Variants in FANCB observed in about 807,000 individuals in gnomAD.
The protein encoded by FANCB is FA complementation group B.
FANCB carries 5 observed loss-of-function variants against 38.9 expected under a neutral mutation model. The ratio of observed to expected loss-of-function variants is 0.13; its 90% confidence interval spans 0.07 to 0.27. FANCB has a LOEUF of 0.27. Ranked by LOEUF, FANCB falls within the 10% of genes least tolerant of loss-of-function variation. The pLI is 1.00. For missense variants in FANCB, 573 were observed against 602.7 expected, an observed-to-expected ratio of 0.95 and a Z score of 0.52; for synonymous variants, 236 against 215.4, an observed-to-expected ratio of 1.10 and a Z score of -0.84.
At chrX:14,821,226 T>C in the FANCB span, among the ~76,000 whole-genome samples, 1 of 111,913 alleles carries the variant, frequency 8.9e-6, no homozygotes, top group Non-Finnish European at 1.9e-5. Context: ...CAAAATTCCA[T>C]AATGCCTACA....
intron 2 of FANCB, among the ~76,000 whole-genome samples, chrX:14,866,941 C>A (rs1055155360): frequency 9.0e-6 from 1 of 110,796 alleles, no homozygotes; most frequent in South Asian, 3.7e-4. Flanking sequence ...TGCTAAAAAG[C>A]GAACTATCTG....
At chrX:14,859,753 G>C (rs963319094) in intron 3 of FANCB, among the ~76,000 whole-genome samples, 1 of 111,809 alleles carries the variant, frequency 8.9e-6, no homozygotes, top group Non-Finnish European at 1.9e-5. Context: ...TTAAGTCTTA[G>C]TGTATATGTA....
intron 3 of FANCB, among the ~76,000 whole-genome samples, chrX:14,861,898 G>A (rs1044811968): frequency 2.5e-4 from 27 of 110,189 alleles, no homozygotes; most frequent in African/African-American, 8.9e-4. Flanking sequence ...CAGCTGGAGT[G>A]CAGCGGGGCG....
At chrX:14,868,135 T>C (rs748803250) in intron 2 of FANCB, among the ~76,000 whole-genome samples, 1 of 111,820 alleles carries the variant, frequency 8.9e-6, no homozygotes, top group East Asian at 2.8e-4. Context: ...ATAGCCACTA[T>C]GGAAAACAGT....
chrX:14,854,215 CA>C (rs1184422217), intron 5 of FANCB, among the ~76,000 whole-genome samples: 2 of 110,906 alleles, frequency 1.8e-5, no homozygotes, highest in African/African-American at 6.6e-5. Flanking sequence ...TAATTCGTGA[CA>C]GGGGGAGGCA....
At chrX:14,727,036 GT>G in the FANCB span, among the ~76,000 whole-genome samples, 1 of 111,880 alleles carries the variant, frequency 8.9e-6, no homozygotes, top group Non-Finnish European at 1.9e-5. Flanking sequence ...ATTTTGAGGG[GT>G]TGTTTCTATT....
At chrX:14,790,915 T>A in the FANCB span, among the ~76,000 whole-genome samples, 2 of 110,876 alleles carry the variant, frequency 1.8e-5, no homozygotes, top group African/African-American at 6.6e-5. Flanking sequence ...GCACCAGGAC[T>A]TCTGAGAAAA....
downstream of FANCB, among the ~76,000 whole-genome samples, chrX:14,840,021 A>G (rs2092350774): frequency 9.0e-6 from 1 of 110,946 alleles, no homozygotes; most frequent in South Asian, 3.7e-4. Flanking sequence ...ACACCTGGCT[A>G]ATTTTTAATT....
At chrX:14,761,410 C>T in the FANCB span, among the ~76,000 whole-genome samples, 6 of 111,101 alleles carry the variant, frequency 5.4e-5, no homozygotes, top group Non-Finnish European at 7.5e-5. Flanking sequence ...CAGTTGCAAA[C>T]GATTCCAGAG....
chrX:14,728,420 A>G, the FANCB span, among the ~76,000 whole-genome samples: 3 of 111,721 alleles, frequency 2.7e-5, no homozygotes, highest in Non-Finnish European at 5.6e-5. Flanking sequence ...GGTTATAATT[A>G]ATTTTTTATT....
chrX:14,817,098 C>T, the FANCB span, among the ~76,000 whole-genome samples: 36 of 111,218 alleles, frequency 3.2e-4, no homozygotes, highest in Admixed American at 1.9e-3. Context: ...GTGAGAATTC[C>T]CCACTGTTTT....
intron 7 of FANCB, among the ~76,000 whole-genome samples, 159 bp downstream of exon 7, chrX:14,850,346 T>C (rs372468500): frequency 1.8e-5 from 2 of 110,291 alleles, no homozygotes; most frequent in African/African-American, 6.8e-5. Flanking sequence ...TGAGACTCTG[T>C]CTCAAAAAAA....
chrX:14,787,049 T>C, the FANCB span, among the ~76,000 whole-genome samples: 1 of 110,463 alleles, frequency 9.1e-6, no homozygotes, highest in African/African-American at 3.3e-5. Flanking sequence ...ACATGGTGAA[T>C]TTCTTTAGAG....
the FANCB span, among the ~76,000 whole-genome samples, chrX:14,807,768 A>G: frequency 5.4e-5 from 6 of 112,084 alleles, no homozygotes; most frequent in Non-Finnish European, 3.8e-5. Context: ...AAGATCAATG[A>G]ATCAAAAAGT....
At chrX:14,745,762 T>C in the FANCB span, among the ~76,000 whole-genome samples, 1 of 95,290 alleles carries the variant, frequency 1.0e-5, no homozygotes, top group Non-Finnish European at 2.0e-5. Context: ...TGCAGTGGCA[T>C]GATCTTGGCT....
the FANCB span, among the ~76,000 whole-genome samples, chrX:14,724,926 GAATGGAAGCCATTTGGGATTTGAT>G: frequency 9.0e-4 from 100 of 111,387 alleles, no homozygotes; most frequent in Middle Eastern, 0.032. Context: ...TCATAATCTT[GAATGGAAGCCATTTGGGATTTGAT>G]AATGGAAGCC....
At chrX:14,707,815 A>AT in the FANCB span, among the ~76,000 whole-genome samples, 2 of 109,673 alleles carry the variant, frequency 1.8e-5, no homozygotes, top group African/African-American at 3.3e-5. Flanking sequence ...GACAGTCTTT[A>AT]TTTTTTTTCT....
the FANCB span, among the ~76,000 whole-genome samples, chrX:14,795,451 G>A: frequency 9.0e-6 from 1 of 111,424 alleles, no homozygotes; most frequent in Non-Finnish European, 1.9e-5. Context: ...TAGTTTTAAT[G>A]AGAAGCAGCC....
the FANCB span, among the ~76,000 whole-genome samples, chrX:14,795,420 T>C: frequency 9.0e-6 from 1 of 111,443 alleles, no homozygotes; most frequent in Non-Finnish European, 1.9e-5. Context: ...AAGCCAGTCT[T>C]TAATGGTCTT....
Sources: allele counts gnomAD v4.1 joint callset (sites outside exome capture counted in the v4.1 genomes callset), GRCh38; gene constraint gnomAD v4.1.1; transcripts MANE v1.5; gene names NCBI Gene and HGNC (gene_info 2026-07-23, HGNC 2026-07-21).